NODAL: variants seen among roughly 807,000 people sequenced by gnomAD.
The protein encoded by NODAL is nodal homolog.
Under a neutral mutation model 34.0 loss-of-function variants are expected in NODAL, and 12 were observed. That is an observed-to-expected ratio of 0.35 (90% confidence interval 0.23 to 0.57). The LOEUF is 0.57. Among genes scored for constraint, NODAL ranks in the 20% least tolerant of loss-of-function variants. NODAL has a pLI of 0.83. For synonymous variants in NODAL, 162 were observed against 186.4 expected, an observed-to-expected ratio of 0.87 and a Z score of 1.07; for missense variants, 390 against 444.2, an observed-to-expected ratio of 0.88 and a Z score of 1.10.
At chr10:70,447,409 G>A (rs1193373599) in intron 1 of NODAL, among the ~76,000 whole-genome samples, 1 of 152,078 alleles carries the variant, frequency 6.6e-6, no homozygotes, top group Admixed American at 6.5e-5. Flanking sequence ...ATCAGGGCGG[G>A]GTGTGGTGGC....
chr10:70,445,645 T>C (rs1378040047), upstream of NODAL, among the ~76,000 whole-genome samples: 1 of 152,196 alleles, frequency 6.6e-6, no homozygotes, highest in African/African-American at 2.4e-5. Context: ...CTGCTAATAA[T>C]TGCATTGATT....
chr10:70,439,692 C>G (rs1262367043), intron 1 of NODAL, among the ~76,000 whole-genome samples: 1 of 152,200 alleles, frequency 6.6e-6, no homozygotes, highest in Non-Finnish European at 1.5e-5. Context: ...CCCTTCTCCT[C>G]CAGTCTCCCT....
upstream of NODAL, among the ~76,000 whole-genome samples, chr10:70,443,942 T>A (rs1415336306): frequency 3.1e-4 from 47 of 151,602 alleles, no homozygotes; most frequent in Admixed American, 3.1e-3. Context: ...CCTTTTTTTT[T>A]TTTTTTTGAG....
At chr10:70,446,717 C>T (rs142060361) in intron 1 of NODAL, among the ~76,000 whole-genome samples, 83 of 152,164 alleles carry the variant, frequency 5.5e-4, no homozygotes, top group Middle Eastern at 3.4e-3. Flanking sequence ...GTTCACCCCT[C>T]ACTGATGTTC....
chr10:70,432,797 CCCT>C lies in NODAL; in HGVS notation c.*136_*138del, dbSNP rs1845284508. ...GCCCTTCATTTACAGAGTGGGCAGC[CCCT>C]CCTCTTCAGTTCTGGTGGGCAGAGC... On this transcript the variant is annotated 3_prime_UTR_variant, in exon 3 of 3. Coordinates refer to ENST00000287139, the MANE Select transcript of NODAL (RefSeq NM_018055.5). The C allele has an allele frequency of 6.3e-6, 6 of 953,622 alleles. No individual in the cohort carries two copies. In the South Asian group the frequency reaches 8.0e-5, roughly 13 times the overall value. The allele number at this position is 953,622 out of a possible 1,614,324, so 59.1% of individuals were successfully genotyped here. A position where few individuals can be genotyped will look rare whatever the true frequency, so the allele number is the denominator to read the frequency against.
Position 70,435,966 on chromosome 10 carries a change from G to T in NODAL, c.211C>A (p.Gln71Lys), listed in dbSNP as rs748403461. 8.1e-6 allele frequency: 13 copies of T among 1,614,008 alleles called. No homozygotes were observed. The highest frequency in any genetic ancestry group is 3.3e-4 in the Middle Eastern group (2 of 6,082). The change falls in exon 2 of 3, where the codon CAG becomes AAG. Residue 71 changes from glutamine (Q) to lysine (K), a missense_variant. Transcript: ENST00000287139. Reference sequence around the variant, plus strand: ...AAGTCAAAAGCAAACGTCCAGTTCTGCCCATCCACTGCCACATCTGGGTAG... The same window carrying T: ...AAGTCAAAAGCAAACGTCCAGTTCTTCCCATCCACTGCCACATCTGGGTAG... ...LQAEDVAVDG[Q>K]NWTFAFDFSF...
rs1241664751 is a variant in NODAL at position 70,432,141 on chromosome 10, GC to G, written c.*794del. 6.6e-6 allele frequency among the ~76,000 whole-genome samples: 1 copy of G among 152,220 alleles called. No homozygotes were observed. The highest frequency in any genetic ancestry group is 1.5e-5 in the Non-Finnish European group (1 of 68,038). ...CCACTGCTGGATAGGAAGCTCAGAGGCCTCATTAATAGCACACATTGAGAGA... is the reference window on the plus strand; with the variant it reads ...CCACTGCTGGATAGGAAGCTCAGAGGCTCATTAATAGCACACATTGAGAGA... On this transcript the variant is annotated 3_prime_UTR_variant, in exon 3 of 3. Transcript: ENST00000287139.
intron 1 of NODAL, among the ~76,000 whole-genome samples, chr10:70,437,860 C>T (rs1417874350): frequency 6.6e-6 from 1 of 152,176 alleles, no homozygotes; most frequent in African/African-American, 2.4e-5. Context: ...CCACTTCCCT[C>T]CTCATTAGCA....
upstream of NODAL, among the ~76,000 whole-genome samples, chr10:70,445,792 TAGAAG>T (rs1332110122): frequency 7.2e-5 from 11 of 152,126 alleles, no homozygotes; most frequent in South Asian, 4.1e-4. Context: ...TGCTTCCCCA[TAGAAG>T]AGGAGTGAAA....
upstream of NODAL, among the ~76,000 whole-genome samples, chr10:70,442,459 C>T (rs1021643606): frequency 6.6e-6 from 1 of 152,348 alleles, no homozygotes; most frequent in Admixed American, 6.5e-5. Context: ...ACCTGGGTGT[C>T]GGCTCAGGGC....
intron 1 of NODAL, among the ~76,000 whole-genome samples, chr10:70,440,749 C>G (rs1030778645): frequency 4.6e-4 from 70 of 152,194 alleles, no homozygotes; most frequent in African/African-American, 1.6e-3. Context: ...AATCATGGCC[C>G]CGAACCCGGG....
At chr10:70,446,513 T>A (rs1845487560), upstream of NODAL, among the ~76,000 whole-genome samples, 1 of 152,124 alleles carries the variant, frequency 6.6e-6, no homozygotes, top group Non-Finnish European at 1.5e-5. Flanking sequence ...GTAAAGTGTA[T>A]AGTGCACGTA....
At chr10:70,441,375 C>A in intron 1 of NODAL, 100 bp downstream of exon 1, 1 of 1,363,344 alleles carries the variant, frequency 7.3e-7, no homozygotes. Context: ...CGGCTCGGAG[C>A]CGCAGCCCCC....
upstream of NODAL, among the ~76,000 whole-genome samples, chr10:70,444,683 CA>C (rs767490303): frequency 1.1e-4 from 16 of 152,200 alleles, no homozygotes; most frequent in Non-Finnish European, 2.4e-4. Flanking sequence ...GTTCTTGTTG[CA>C]GTTTGTAACC....
chr10:70,441,702 G>A, upstream of NODAL: 1 of 1,545,972 alleles, frequency 6.5e-7, no homozygotes, highest in East Asian at 2.4e-5. Flanking sequence ...AGCACCTCCA[G>A]CCCTTATATC....
Position 70,433,104 on chromosome 10 carries a change from A to G in NODAL, c.892-16T>C. ...TCAGCAGACTCTGTAAAGGAAAGGA[A>G]GGGTGTGTCAATTCACATCCTGATG... On this transcript the variant is annotated splice_polypyrimidine_tract_variant and intron_variant, in intron 2 of 2. Coordinates refer to ENST00000287139, the MANE Select transcript of NODAL (RefSeq NM_018055.5). 6.2e-7 allele frequency: 1 copy of G among 1,613,706 alleles called. No individual in the cohort carries two copies. The highest frequency in any genetic ancestry group is 8.5e-7 in the Non-Finnish European group (1 of 1,180,036).
upstream of NODAL, among the ~76,000 whole-genome samples, chr10:70,446,234 G>T (rs1178067018): frequency 6.6e-6 from 1 of 152,180 alleles, no homozygotes; most frequent in Non-Finnish European, 1.5e-5. Context: ...GCTGGCAAGA[G>T]GGTGGGGGCA....
intron 1 of NODAL, among the ~76,000 whole-genome samples, chr10:70,441,266 A>C (rs1417944677): frequency 6.6e-6 from 1 of 152,212 alleles, no homozygotes; most frequent in Admixed American, 6.5e-5. Flanking sequence ...TCGGCCGTGG[A>C]TACGCCCCCA....
At position 70,435,461 on chromosome 10, in the gene NODAL, T is replaced by G; in HGVS notation, c.716A>C (p.His239Pro). ...ACACAGTTGACTTCTGTCTGGCAAG[T>G]GATGTCGACGGTGCCTCTTGCCCCA... is the stretch of plus-strand genomic sequence containing the variant. ...WEWGKRHRRHHLPDRSQLCRK... is the reference protein window; with the variant it reads ...WEWGKRHRRHPLPDRSQLCRK... The change falls in exon 2 of 3, where the codon CAC becomes CCC. Residue 239 changes from histidine (H) to proline (P), a missense_variant. Transcript: ENST00000287139. The G allele has an allele frequency of 6.2e-7, 1 of 1,614,176 alleles. No homozygotes were observed. The highest frequency in any genetic ancestry group is 8.5e-7 in the Non-Finnish European group (1 of 1,180,020).
Sources: gnomAD v4.1 joint callset for allele counts (sites outside exome capture counted in the v4.1 genomes callset) on GRCh38, gnomAD v4.1.1 for gene constraint, MANE v1.5 for transcripts, NCBI Gene and HGNC (gene_info 2026-07-23, HGNC 2026-07-21) for gene names.